The following MICAL2 variants were observed in gnomAD, a reference collection of about 807,000 sequenced individuals.
The protein encoded by MICAL2 is [F-actin]-monooxygenase MICAL2.
In MICAL2, 77 loss-of-function variants were observed where a neutral mutation model predicts 127.3. The ratio of observed to expected loss-of-function variants is 0.60; its 90% CI spans 0.50 to 0.73. MICAL2 has a LOEUF of 0.73. Among genes scored for constraint, MICAL2 ranks in the 30% least tolerant of loss-of-function variants. MICAL2 has a pLI of 0.00. For missense variants in MICAL2, 1,351 were observed against 1,434.4 expected (o/e 0.94, Z 0.94); for synonymous variants, 570 against 551.1 (o/e 1.03, Z -0.48).
At chr11:12,187,694 G>A (rs1175938845) in intron 3 of MICAL2, among the ~76,000 whole-genome samples, 5 of 152,192 alleles carry the variant, frequency 3.3e-5, no homozygotes, top group African/African-American at 9.6e-5. Context: ...GGGGGTTCCC[G>A]AGAGTGGATG....
chr11:12,133,880 G>T (rs1407904621), intron 1 of MICAL2, among the ~76,000 whole-genome samples: 1 of 152,234 alleles, frequency 6.6e-6, no homozygotes, highest in African/African-American at 2.4e-5. Context: ...CCTCTGAGTA[G>T]TTATGAATAA....
intron 32 of MICAL2, among the ~76,000 whole-genome samples, chr11:12,333,206 CACTT>C (rs1220606127): frequency 6.6e-6 from 1 of 152,110 alleles, no homozygotes. Context: ...ATATAACAAA[CACTT>C]AATCCCGTTA....
intron 24 of MICAL2, among the ~76,000 whole-genome samples, chr11:12,258,193 C>T (rs984422360): frequency 6.6e-5 from 10 of 152,168 alleles, no homozygotes; most frequent in African/African-American, 1.9e-4. Flanking sequence ...TGCCACCCTA[C>T]GGGAGCCGGC....
intron 2 of MICAL2, among the ~76,000 whole-genome samples, chr11:12,149,075 C>T (rs1237622474): frequency 6.6e-6 from 1 of 152,122 alleles, no homozygotes; most frequent in African/African-American, 2.4e-5. Context: ...CACTCTGCTG[C>T]CTTTGATGTT....
At chr11:12,167,570 C>T (rs1022566554) in intron 3 of MICAL2, among the ~76,000 whole-genome samples, 9 of 152,174 alleles carry the variant, frequency 5.9e-5, no homozygotes, top group African/African-American at 2.2e-4. Flanking sequence ...ATCATGGCTG[C>T]GCTGGCTCAG....
At chr11:12,191,449 G>A (rs1859094929) in intron 3 of MICAL2, among the ~76,000 whole-genome samples, 2 of 144,044 alleles carry the variant, frequency 1.4e-5, no homozygotes, top group Non-Finnish European at 1.5e-5. Flanking sequence ...TCCAGCCCGG[G>A]CAGCAGAGCA....
intron 2 of MICAL2, among the ~76,000 whole-genome samples, chr11:12,282,029 C>T (rs963924685): frequency 2.0e-5 from 3 of 152,132 alleles, no homozygotes; most frequent in Admixed American, 2.0e-4. Context: ...TGCATCGCCA[C>T]CTGGTGGTCA....
At chr11:12,205,221 G>A (rs1022286652) in intron 4 of MICAL2, among the ~76,000 whole-genome samples, 1 of 152,160 alleles carries the variant, frequency 6.6e-6, no homozygotes, top group African/African-American at 2.4e-5. Context: ...CTCAAGCCTG[G>A]AGCTCTCTGG....
At chr11:12,256,079 C>G (rs1862289154) in intron 23 of MICAL2, 1 of 263,760 alleles carries the variant, frequency 3.8e-6, no homozygotes, top group Admixed American at 4.8e-5. Context: ...AGTGTCCAAC[C>G]TGAACAGACT....
At chr11:12,172,567 A>G (rs1305907744) in intron 3 of MICAL2, among the ~76,000 whole-genome samples, 2 of 152,120 alleles carry the variant, frequency 1.3e-5, no homozygotes, top group Non-Finnish European at 2.9e-5. Context: ...AGTTGATATT[A>G]GTGTTGTAGG....
intron 32 of MICAL2, among the ~76,000 whole-genome samples, chr11:12,339,253 G>C (rs61875396): frequency 0.036 from 5,505 of 152,230 alleles, 123 homozygotes; most frequent in Non-Finnish European, 0.057. Context: ...AGCTACTGAG[G>C]CTTGTGCATT....
At chr11:12,330,858 GGGT>G (rs1864413492) in intron 32 of MICAL2, among the ~76,000 whole-genome samples, 1 of 107,578 alleles carries the variant, frequency 9.3e-6, no homozygotes, top group Non-Finnish European at 2.3e-5. Flanking sequence ...ACAGAGAGAG[GGGT>G]AGAGAGAGAG....
upstream of MICAL2, among the ~76,000 whole-genome samples, chr11:12,272,276 C>T (rs1863682877): frequency 6.6e-6 from 1 of 152,208 alleles, no homozygotes; most frequent in Admixed American, 6.5e-5. Flanking sequence ...TCCCCTCATC[C>T]CCAAGCCCAG....
At chr11:12,305,020 C>T (rs868336125) in intron 29 of MICAL2, among the ~76,000 whole-genome samples, 62 of 152,258 alleles carry the variant, frequency 4.1e-4, no homozygotes, top group Middle Eastern at 3.4e-3. Flanking sequence ...GAATTAACGT[C>T]TTTGCAATAC....
chr11:12,327,187 G>A (rs1026166217), exon 32 of MICAL2: 3 of 1,551,820 alleles, frequency 1.9e-6, no homozygotes, highest in South Asian at 2.4e-5. Context: ...TCCAGAGGCA[G>A]CTGGAGGAGG....
At chr11:12,345,630 C>A (rs764894783) in intron 32 of MICAL2, among the ~76,000 whole-genome samples, 1 of 152,138 alleles carries the variant, frequency 6.6e-6, no homozygotes, top group Non-Finnish European at 1.5e-5. Context: ...CATACAAAGT[C>A]TTGAATTGGG....
downstream of MICAL2, among the ~76,000 whole-genome samples, chr11:12,295,261 T>A (rs1003872343): frequency 6.6e-6 from 1 of 151,858 alleles, no homozygotes. Context: ...TGCCTCAGCC[T>A]CCCAAGTAGC....
intron 32 of MICAL2, among the ~76,000 whole-genome samples, chr11:12,337,063 G>T (rs1938776865): frequency 6.6e-6 from 1 of 152,164 alleles, no homozygotes; most frequent in South Asian, 2.1e-4. Context: ...GTAGAATTCG[G>T]CTGTGAATCC....
At chr11:12,321,904 C>A (rs927724475) in intron 30 of MICAL2, among the ~76,000 whole-genome samples, 6 of 151,900 alleles carry the variant, frequency 3.9e-5, no homozygotes, top group Non-Finnish European at 2.9e-5. Flanking sequence ...TCCATAGTCC[C>A]ACTATGGAAA....
Sources: allele counts gnomAD v4.1 joint callset (sites outside exome capture counted in the v4.1 genomes callset), GRCh38; gene constraint gnomAD v4.1.1; transcripts MANE v1.5; gene names NCBI Gene and HGNC (gene_info 2026-07-23, HGNC 2026-07-21).